Variants in NRXN3 observed in about 807,000 individuals in gnomAD.
NRXN3 encodes neurexin III.
A neutral mutation model predicts 137.6 loss-of-function variants in NRXN3; 32 were observed. The ratio of observed to expected loss-of-function variants is 0.23; its 90% confidence interval spans 0.18 to 0.31. The LOEUF (loss-of-function observed/expected upper bound fraction) is 0.31, where lower values mean the gene tolerates loss of function less well. Among genes scored for constraint, NRXN3 ranks in the 10% least tolerant of loss-of-function variants. The probability of loss-of-function intolerance (pLI) is 1.00; values close to 1 mark genes in which losing one functional copy is unlikely to be tolerated. For missense variants in NRXN3, 1,574 were observed against 2,062.5 expected, an observed-to-expected ratio of 0.76 and a Z score of 4.59; for synonymous variants, 798 against 784.5, an observed-to-expected ratio of 1.02 and a Z score of -0.29.
rs10673907 is a variant in NRXN3 at position 78,233,688 on chromosome 14, C to CAAAA, written c.-703-8687_-703-8684dup. On this transcript the variant is annotated intron_variant, in intron 1 of 20. Transcript: ENST00000335750. ...TCTTTTTTCCAATTTAAGTATGCTT[C>CAAAA]AAAAAAAAAAAAAAAAAAAGAATGC... Among the ~76,000 whole-genome samples the CAAAA allele has an allele frequency of 8.0e-3, 934 of 117,462 alleles. 13 individuals are homozygous for CAAAA. The highest frequency in any genetic ancestry group is 8.8e-3 in the African/African-American group (277 of 31,560). 77.1% of individuals were successfully genotyped at this position (117,462 alleles called of 152,430 possible).
chr14:78,188,112 C>T (rs1175200661), intron 1 of NRXN3, among the ~76,000 whole-genome samples: 1 of 152,176 alleles, frequency 6.6e-6, no homozygotes, highest in Non-Finnish European at 1.5e-5. Flanking sequence ...GATTAAATGG[C>T]TCATGGCTCC....
At chr14:78,434,886 CAG>C (rs1171300989) in intron 4 of NRXN3, among the ~76,000 whole-genome samples, 1 of 152,160 alleles carries the variant, frequency 6.6e-6, no homozygotes, top group Non-Finnish European at 1.5e-5. Flanking sequence ...GAGAGGGAAA[CAG>C]AGGTGAATAA....
intron 16 of NRXN3, among the ~76,000 whole-genome samples, chr14:79,491,322 G>A (rs2096714863): frequency 6.6e-6 from 1 of 152,078 alleles, no homozygotes; most frequent in Non-Finnish European, 1.5e-5. Flanking sequence ...GAATTACTCA[G>A]CCTCCATGTT....
intron 15 of NRXN3, among the ~76,000 whole-genome samples, chr14:79,329,634 G>T (rs188251868): frequency 6.6e-6 from 1 of 152,148 alleles, no homozygotes; most frequent in African/African-American, 2.4e-5. Context: ...CTGGTCTGTG[G>T]GCCATTGTTT....
intron 6 of NRXN3, among the ~76,000 whole-genome samples, chr14:78,680,593 T>A (rs2098064393): frequency 6.6e-6 from 1 of 152,182 alleles, no homozygotes; most frequent in Admixed American, 6.5e-5. Context: ...CTTCCCCAGC[T>A]TGTACATGAA....
intron 15 of NRXN3, among the ~76,000 whole-genome samples, chr14:79,082,050 CATATATATGTTTCATACATATATATAT>C (rs2047123185): frequency 6.8e-6 from 1 of 148,144 alleles, no homozygotes; most frequent in Admixed American, 7.0e-5. Flanking sequence ...TATGTGTATA[CATATATATGTTTCATACATATATATAT>C]ACATATATAC....
At chr14:79,104,986 A>G (rs1415731953) in intron 15 of NRXN3, among the ~76,000 whole-genome samples, 1 of 152,106 alleles carries the variant, frequency 6.6e-6, no homozygotes, top group Non-Finnish European at 1.5e-5. Flanking sequence ...ATGATATTTC[A>G]TGTCTGGGCC....
intron 15 of NRXN3, among the ~76,000 whole-genome samples, chr14:79,370,898 A>C (rs968121717): frequency 6.6e-6 from 1 of 152,226 alleles, no homozygotes; most frequent in Non-Finnish European, 1.5e-5. Context: ...TACAAGCATT[A>C]TCTTAAACCT....
At chr14:79,533,419 G>A (rs2097186174) in intron 16 of NRXN3, among the ~76,000 whole-genome samples, 1 of 152,136 alleles carries the variant, frequency 6.6e-6, no homozygotes, top group Non-Finnish European at 1.5e-5. Context: ...AAAGAAAACA[G>A]CTTTTTGACT....
At chr14:79,508,554 T>A (rs1022681397) in intron 16 of NRXN3, among the ~76,000 whole-genome samples, 1 of 151,508 alleles carries the variant, frequency 6.6e-6, no homozygotes, top group African/African-American at 2.4e-5. Context: ...CACGCCCGGC[T>A]AGTTTTTTTG....
chr14:78,721,386 A>G (rs144114424), intron 8 of NRXN3, among the ~76,000 whole-genome samples: 4 of 152,296 alleles, frequency 2.6e-5, no homozygotes, highest in African/African-American at 9.6e-5. Flanking sequence ...CTGCAAGAAT[A>G]AAATGAGGCA....
At chr14:79,498,432 G>A (rs2096788322) in intron 16 of NRXN3, among the ~76,000 whole-genome samples, 1 of 152,170 alleles carries the variant, frequency 6.6e-6, no homozygotes, top group South Asian at 2.1e-4. Context: ...CCCGTGTGAA[G>A]AGCTTCCACT....
At chr14:79,116,099 A>G (rs1162771523) in intron 15 of NRXN3, among the ~76,000 whole-genome samples, 1 of 152,212 alleles carries the variant, frequency 6.6e-6, no homozygotes, top group African/African-American at 2.4e-5. Flanking sequence ...CTATTCCAAT[A>G]GCACAAAATT....
intron 15 of NRXN3, among the ~76,000 whole-genome samples, chr14:79,172,332 A>T (rs914143112): frequency 1.3e-5 from 2 of 152,178 alleles, no homozygotes; most frequent in African/African-American, 4.8e-5. Context: ...GTGTCAGTAA[A>T]AGAAGATGAA....
chr14:79,438,239 T>A (rs543388438), intron 15 of NRXN3, among the ~76,000 whole-genome samples: 1 of 152,294 alleles, frequency 6.6e-6, no homozygotes, highest in Admixed American at 6.5e-5. Flanking sequence ...TCATTTGCCC[T>A]CGAATCCATG....
At chr14:78,841,954 G>A (rs2099013660) in intron 10 of NRXN3, among the ~76,000 whole-genome samples, 1 of 152,120 alleles carries the variant, frequency 6.6e-6, no homozygotes, top group South Asian at 2.1e-4. Flanking sequence ...TTAGAATGAG[G>A]ATTTGATAAT....
intron 10 of NRXN3, among the ~76,000 whole-genome samples, chr14:78,856,381 C>G (rs1367910102): frequency 6.6e-6 from 1 of 152,032 alleles, no homozygotes; most frequent in Non-Finnish European, 1.5e-5. Context: ...AGGGTATATT[C>G]AAAATATAAC....
rs549679043 is a variant in NRXN3 at position 78,911,297 on chromosome 14, A to G, written c.2276-45945A>G. 9.8e-5 allele frequency among the ~76,000 whole-genome samples: 15 copies of G among 152,314 alleles called. No homozygotes were observed. In the South Asian group the frequency reaches 2.9e-3, roughly 29 times the overall value. On this transcript the variant is annotated intron_variant, in intron 10 of 20. Coordinates refer to ENST00000335750, the MANE Select transcript of NRXN3 (RefSeq NM_001330195.2). ...TTGGGATTTGAACCCAGGCCTTCAG[A>G]TATCATCAACTGAATAATTCATCAG... is the stretch of plus-strand genomic sequence containing the variant.
intron 19 of NRXN3, among the ~76,000 whole-genome samples, chr14:79,741,088 T>C (rs1013584591): frequency 1.3e-5 from 2 of 152,228 alleles, no homozygotes; most frequent in African/African-American, 4.8e-5. Flanking sequence ...GATGGCACTT[T>C]GTTGGATGAT....
Sources: gnomAD v4.1 joint callset for allele counts (sites outside exome capture counted in the v4.1 genomes callset) on GRCh38, gnomAD v4.1.1 for gene constraint, MANE v1.5 for transcripts, NCBI Gene and HGNC (gene_info 2026-07-23, HGNC 2026-07-21) for gene names.